Variants in RFX4 observed in about 807,000 individuals in gnomAD.
RFX4 encodes the protein transcription factor RFX4.
A neutral mutation model predicts 95.0 loss-of-function variants in RFX4; 10 were observed. The observed-to-expected ratio is 0.11, with a 90% CI of 0.06 to 0.18. The LOEUF is 0.18. Ranked by LOEUF, RFX4 falls within the 10% of genes least tolerant of loss-of-function variation. The pLI is 1.00. For missense variants in RFX4, 640 were observed against 922.0 expected (o/e 0.69, Z 3.96); for synonymous variants, 321 against 340.7 (o/e 0.94, Z 0.64).
rs746358489 is a variant in RFX4 at position 106,639,336 on chromosome 12, G to A, written c.135G>A (p.Glu45=). Reference sequence around the variant, plus strand: ...TCTTTTTCTTTCCTTTAACAGATGAGGAAAAAGAAAATAATAGAGCATCCA... The same window carrying A: ...TCTTTTTCTTTCCTTTAACAGATGAAGAAAAAGAAAATAATAGAGCATCCA... ...SLGNVSNDEN[E]EKENNRASKP... Residue 45 remains glutamate (E), a synonymous_variant, in exon 3 of 18, where the codon GAG becomes GAA. Coordinates refer to ENST00000392842, the MANE Select transcript of RFX4 (RefSeq NM_213594.3). 18 of 1,612,388 alleles carry A rather than the reference G, an allele frequency of 1.1e-5. No individual in the cohort carries two copies. In the African/African-American group the frequency reaches 2.3e-4, roughly 20 times the overall value.
chr12:106,649,760 G>T (rs1461768919), intron 3 of RFX4, among the ~76,000 whole-genome samples: 2 of 152,182 alleles, frequency 1.3e-5, no homozygotes, highest in Non-Finnish European at 2.9e-5. Flanking sequence ...TTGAAAGCAT[G>T]ATTTTCACCC....
At chr12:106,753,238 C>G (rs925465027) in intron 17 of RFX4, among the ~76,000 whole-genome samples, 10 of 152,144 alleles carry the variant, frequency 6.6e-5, no homozygotes, top group Non-Finnish European at 1.5e-5. Flanking sequence ...ATGTGGTTGT[C>G]TTGGATGTGC....
At chr12:106,734,681 G>A (rs555693217) in intron 15 of RFX4, among the ~76,000 whole-genome samples, 1 of 152,152 alleles carries the variant, frequency 6.6e-6, no homozygotes, top group South Asian at 2.1e-4. Flanking sequence ...CATGAAGGAG[G>A]AACAACAAAC....
chr12:106,601,263 G>A (rs2039700437), intron 1 of RFX4: 2 of 1,582,708 alleles, frequency 1.3e-6, no homozygotes, highest in African/African-American at 2.7e-5. Flanking sequence ...GAGACAGAAA[G>A]GGGCTGAGAC....
chr12:106,716,334 A>G (rs1222101223), intron 11 of RFX4, among the ~76,000 whole-genome samples: 1 of 152,108 alleles, frequency 6.6e-6, no homozygotes, highest in Non-Finnish European at 1.5e-5. Flanking sequence ...GGTGAGGCCC[A>G]GGATCCCAAT....
intron 13 of RFX4, 104 bp from the exon 14 acceptor site, chr12:106,732,026 A>T: frequency 6.7e-7 from 1 of 1,502,406 alleles, no homozygotes; most frequent in Non-Finnish European, 9.0e-7. Context: ...TAGACTCTTG[A>T]GCAGAGCATT....
intron 4 of RFX4, among the ~76,000 whole-genome samples, chr12:106,666,545 G>A (rs2041180302): frequency 6.6e-6 from 1 of 151,746 alleles, no homozygotes; most frequent in African/African-American, 2.4e-5. Context: ...TTCTTATTAT[G>A]TGTATTTACA....
At chr12:106,718,803 C>T (rs1476790958) in intron 11 of RFX4, among the ~76,000 whole-genome samples, 2 of 152,106 alleles carry the variant, frequency 1.3e-5, no homozygotes, top group African/African-American at 4.8e-5. Context: ...TTTTCTAGAG[C>T]ACTTCATTGA....
At chr12:106,705,503 C>T (rs768413121) in intron 8 of RFX4, among the ~76,000 whole-genome samples, 4 of 152,156 alleles carry the variant, frequency 2.6e-5, no homozygotes, top group Non-Finnish European at 5.9e-5. Context: ...GACAGTATGT[C>T]AAGAAGGCAT....
At chr12:106,619,183 TC>T (rs1302155777) in intron 2 of RFX4, among the ~76,000 whole-genome samples, 1 of 152,232 alleles carries the variant, frequency 6.6e-6, no homozygotes, top group Non-Finnish European at 1.5e-5. Context: ...TTTCCAGGGT[TC>T]TTTCTCCTGC....
intron 2 of RFX4, among the ~76,000 whole-genome samples, chr12:106,629,022 G>T (rs1202748035): frequency 6.6e-6 from 1 of 151,968 alleles, no homozygotes; most frequent in Non-Finnish European, 1.5e-5. Flanking sequence ...GCCTCCCAAA[G>T]TGCTGGAATT....
chr12:106,644,421 TG>T (rs949185189), intron 3 of RFX4, among the ~76,000 whole-genome samples: 4 of 151,968 alleles, frequency 2.6e-5, no homozygotes, highest in Admixed American at 2.0e-4. Flanking sequence ...TTGGTAGAGA[TG>T]GGGTTTTACC....
At chr12:106,717,766 T>C (rs1243038307) in intron 11 of RFX4, among the ~76,000 whole-genome samples, 1 of 152,140 alleles carries the variant, frequency 6.6e-6, no homozygotes, top group Non-Finnish European at 1.5e-5. Context: ...TACAGTGCTG[T>C]GAAGGGGGAA....
intron 7 of RFX4, 134 bp downstream of exon 7, chr12:106,689,498 C>A: frequency 1.4e-6 from 1 of 707,432 alleles, no homozygotes; most frequent in Non-Finnish European, 2.5e-6. Context: ...TAGCTCACTT[C>A]ATCCTCATGA....
Position 106,612,376 on chromosome 12 carries a change from A to G in RFX4, c.130+3493A>G, listed in dbSNP as rs562335437. On this transcript the variant is annotated intron_variant, in intron 2 of 17. Coordinates refer to ENST00000392842, the MANE Select transcript of RFX4 (RefSeq NM_213594.3). ...TTTATTCTTTTTGATGCTATTGTAC[A>G]TGAAATTTTCTTAATTTCCTTTTCA... Among the ~76,000 whole-genome samples the G allele has an allele frequency of 5.9e-5, 9 of 152,336 alleles. No homozygotes were observed. The South Asian group carries it at 1.5e-3, about 25-fold the overall frequency.
At chr12:106,697,597 T>A (rs916814191) in intron 8 of RFX4, among the ~76,000 whole-genome samples, 1 of 152,094 alleles carries the variant, frequency 6.6e-6, no homozygotes, top group African/African-American at 2.4e-5. Context: ...TTGGCAGGGT[T>A]GGTTCCTTAC....
chr12:106,670,592 A>G (rs546890051), intron 4 of RFX4, among the ~76,000 whole-genome samples: 1 of 152,326 alleles, frequency 6.6e-6, no homozygotes, highest in East Asian at 1.9e-4. Context: ...AATTTCTTGT[A>G]GAAATTTTGC....
chr12:106,605,324 C>A (rs944185309), intron 1 of RFX4, among the ~76,000 whole-genome samples: 1 of 152,198 alleles, frequency 6.6e-6, no homozygotes, highest in Non-Finnish European at 1.5e-5. Context: ...ACATTGACTT[C>A]AGTTGACCTA....
At chr12:106,611,995 A>G (rs1650725897) in intron 2 of RFX4, among the ~76,000 whole-genome samples, 1 of 152,244 alleles carries the variant, frequency 6.6e-6, no homozygotes, top group African/African-American at 2.4e-5. Context: ...TCTTTATGAC[A>G]GAACTAGACT....
Sources: gnomAD v4.1 joint callset for allele counts (sites outside exome capture counted in the v4.1 genomes callset) on GRCh38, gnomAD v4.1.1 for gene constraint, MANE v1.5 for transcripts, NCBI Gene and HGNC (gene_info 2026-07-23, HGNC 2026-07-21) for gene names.